The following PTPRD variants were observed in gnomAD, a reference collection of about 807,000 sequenced individuals.
PTPRD encodes the protein receptor-type tyrosine-protein phosphatase delta.
In PTPRD, 34 loss-of-function variants were observed where a neutral mutation model predicts 214.5. That is an observed-to-expected ratio of 0.16 (90% confidence interval 0.12 to 0.21). The LOEUF is 0.21. PTPRD is among the 10% of genes least tolerant of loss of function. PTPRD has a pLI of 1.00. For synonymous variants in PTPRD, 1,128 were observed against 845.7 expected (o/e 1.33, Z -5.79); for missense variants, 2,545 against 2,398.7 (o/e 1.06, Z -1.27).
In PTPRD at chr9:8,528,574, C is replaced by A; in HGVS notation, c.541+17G>T. 6.2e-7 allele frequency: 1 copy of A among 1,607,252 alleles called. No homozygotes were observed. The highest frequency in any genetic ancestry group is 1.7e-5 in the Admixed American group (1 of 59,552). On this transcript the variant is annotated intron_variant, in intron 15 of 45. Transcript: ENST00000381196. ...AAAATTCTCTAGGAGTTAGTAGAAACAGTAACAAGACCCTACCTGATCGTA... is the reference window on the plus strand; with the variant it reads ...AAAATTCTCTAGGAGTTAGTAGAAAAAGTAACAAGACCCTACCTGATCGTA...
At chr9:8,908,805 A>AAAACT (rs2154258896) in intron 11 of PTPRD, among the ~76,000 whole-genome samples, 1 of 151,652 alleles carries the variant, frequency 6.6e-6, no homozygotes, top group South Asian at 2.1e-4. Context: ...AAGCAGTAAG[A>AAAACT]AAACTGATAA....
At chr9:9,239,715 C>T (rs1271912757) in intron 9 of PTPRD, among the ~76,000 whole-genome samples, 2 of 152,146 alleles carry the variant, frequency 1.3e-5, no homozygotes, top group Non-Finnish European at 2.9e-5. Context: ...AGCACCTGGG[C>T]TGCTAGCCAA....
chr9:10,097,935 C>G (rs967094413), intron 3 of PTPRD, among the ~76,000 whole-genome samples: 1 of 151,708 alleles, frequency 6.6e-6, no homozygotes, highest in African/African-American at 2.4e-5. Context: ...GTCGGTGTAG[C>G]GATTCCTCAG....
intron 8 of PTPRD, among the ~76,000 whole-genome samples, chr9:9,573,833 C>T (rs1017979839): frequency 6.6e-5 from 10 of 151,544 alleles, no homozygotes; most frequent in Admixed American, 2.0e-4. Context: ...AAAAGTATAC[C>T]TTATAGTTCT....
At chr9:10,589,131 T>G (rs1048851506) in intron 2 of PTPRD, among the ~76,000 whole-genome samples, 1 of 152,040 alleles carries the variant, frequency 6.6e-6, no homozygotes, top group Non-Finnish European at 1.5e-5. Flanking sequence ...AAAGTTGAAA[T>G]CATATCTAAT....
At chr9:10,135,726 G>A (rs138114485) in intron 3 of PTPRD, among the ~76,000 whole-genome samples, 2 of 151,858 alleles carry the variant, frequency 1.3e-5, no homozygotes, top group Non-Finnish European at 2.9e-5. Context: ...GGTCCTTAAG[G>A]GAATACTAAT....
chr9:10,501,227 G>C (rs1323492236), intron 2 of PTPRD, among the ~76,000 whole-genome samples: 1 of 151,954 alleles, frequency 6.6e-6, no homozygotes, highest in Non-Finnish European at 1.5e-5. Context: ...TGGGATAAAA[G>C]CCATTTTAAC....
At chr9:10,169,040 A>G (rs909121205) in intron 3 of PTPRD, among the ~76,000 whole-genome samples, 14 of 152,192 alleles carry the variant, frequency 9.2e-5, no homozygotes, top group African/African-American at 3.1e-4. Flanking sequence ...GTCAGAAACC[A>G]GCTTGGTTCA....
chr9:8,355,051 C>T (rs1255755015), intron 39 of PTPRD, among the ~76,000 whole-genome samples: 1 of 151,996 alleles, frequency 6.6e-6, no homozygotes, highest in African/African-American at 2.4e-5. Context: ...ATATGATCCT[C>T]AATGGTGGAA....
intron 2 of PTPRD, among the ~76,000 whole-genome samples, chr9:10,493,379 T>C (rs1197198735): frequency 6.6e-6 from 1 of 152,028 alleles, no homozygotes; most frequent in Non-Finnish European, 1.5e-5. Context: ...CAAAACAGCA[T>C]GGTACTGGTA....
chr9:10,013,664 A>G (rs1264364594), intron 4 of PTPRD, among the ~76,000 whole-genome samples: 1 of 151,976 alleles, frequency 6.6e-6, no homozygotes, highest in African/African-American at 2.4e-5. Flanking sequence ...ACTCCAGTAC[A>G]CATGGATGAA....
At chr9:8,981,197 T>C (rs77549978) in intron 11 of PTPRD, among the ~76,000 whole-genome samples, 3,126 of 152,124 alleles carry the variant, frequency 0.021, 112 homozygotes, top group African/African-American at 0.07. Flanking sequence ...ACACATCTGC[T>C]GTATACCTAA....
intron 6 of PTPRD, among the ~76,000 whole-genome samples, chr9:9,749,527 T>G (rs973909639): frequency 2.6e-5 from 4 of 152,152 alleles, no homozygotes; most frequent in African/African-American, 9.7e-5. Context: ...TATCAGATAT[T>G]TATTATTATC....
At chr9:9,148,775 T>C (rs2099872933) in intron 10 of PTPRD, among the ~76,000 whole-genome samples, 1 of 152,224 alleles carries the variant, frequency 6.6e-6, no homozygotes, top group South Asian at 2.1e-4. Context: ...ACCATTGCAT[T>C]CTCATTCAGT....
At chr9:8,346,094 T>G (rs1857348514) in intron 39 of PTPRD, among the ~76,000 whole-genome samples, 1 of 152,016 alleles carries the variant, frequency 6.6e-6, no homozygotes, top group Admixed American at 6.6e-5. Flanking sequence ...TCAAATCTGC[T>G]CCTCCCACTC....
At chr9:10,549,684 G>A (rs772393950) in intron 2 of PTPRD, among the ~76,000 whole-genome samples, 7 of 152,140 alleles carry the variant, frequency 4.6e-5, no homozygotes, top group Non-Finnish European at 8.8e-5. Context: ...ATTCTAGTCT[G>A]AGAGTATAAA....
At chr9:10,260,179 A>T (rs1482560286) in intron 3 of PTPRD, among the ~76,000 whole-genome samples, 2 of 152,140 alleles carry the variant, frequency 1.3e-5, no homozygotes, top group Non-Finnish European at 2.9e-5. Context: ...GGAAACCGTA[A>T]ATGTGACTAG....
intron 8 of PTPRD, among the ~76,000 whole-genome samples, chr9:9,516,895 C>CCTGAAGAGATCATGGTGAGGCCGCCCAA (rs2096851553): frequency 6.6e-6 from 1 of 152,074 alleles, no homozygotes; most frequent in Non-Finnish European, 1.5e-5. Flanking sequence ...AAAAATTAAA[C>CCTGAAGAGATCATGGTGAGGCCGCCCAA]ATATTTATGG....
At chr9:10,314,916 T>C (rs967372258) in intron 3 of PTPRD, among the ~76,000 whole-genome samples, 5 of 151,918 alleles carry the variant, frequency 3.3e-5, no homozygotes, top group Admixed American at 6.6e-5. Context: ...ATTTGAGTGC[T>C]TGGTCATAAG....
Sources: gnomAD v4.1 joint callset for allele counts (sites outside exome capture counted in the v4.1 genomes callset) on GRCh38, gnomAD v4.1.1 for gene constraint, MANE v1.5 for transcripts, NCBI Gene and HGNC (gene_info 2026-07-23, HGNC 2026-07-21) for gene names.